Variants in UNC5C observed in about 807,000 individuals in gnomAD.
UNC5C encodes netrin receptor UNC5C.
UNC5C carries 47 observed loss-of-function variants against 99.8 expected under a neutral mutation model. The ratio of observed to expected loss-of-function variants is 0.47; its 90% CI spans 0.37 to 0.60. The LOEUF is 0.60. Ranked by LOEUF, UNC5C falls within the 20% of genes least tolerant of loss-of-function variation. UNC5C has a pLI of 0.00. For missense variants in UNC5C, 1,062 were observed against 1,165.9 expected, an observed-to-expected ratio of 0.91 and a Z score of 1.30; for synonymous variants, 487 against 452.2, an observed-to-expected ratio of 1.08 and a Z score of -0.98.
intron 2 of UNC5C, among the ~76,000 whole-genome samples, chr4:95,334,594 T>C (rs1391542648): frequency 2.0e-5 from 3 of 151,930 alleles, no homozygotes; most frequent in Non-Finnish European, 4.4e-5. Context: ...TTAAAAGAAC[T>C]CCAGGAGATT....
At position 95,185,080 on chromosome 4, in the gene UNC5C, G is replaced by A; in HGVS notation, c.2253C>T (p.Ser751=). Residue 751 remains serine, a synonymous_variant, in exon 13 of 16, where the codon TCC becomes TCT. Transcript: ENST00000453304. ...TAGCCAGCAATTTGCTCTTCCAGAG[G>A]GAATGGGCGATATCGTGAATTGACA... ...LRLSIHDIAH[S]LWKSKLLAKY... 1 of 1,613,554 alleles carries A rather than the reference G, an allele frequency of 6.2e-7. No homozygotes were observed. The highest frequency in any genetic ancestry group is 8.5e-7 in the Non-Finnish European group (1 of 1,179,892).
intron 1 of UNC5C, among the ~76,000 whole-genome samples, chr4:95,394,794 C>T (rs1036605646): frequency 8.0e-5 from 12 of 150,420 alleles, no homozygotes; most frequent in East Asian, 7.8e-4. Flanking sequence ...GCAGCATAAG[C>T]GGCACTAGGA....
At chr4:95,418,933 G>A (rs1746244394) in intron 1 of UNC5C, among the ~76,000 whole-genome samples, 1 of 152,054 alleles carries the variant, frequency 6.6e-6, no homozygotes, top group Admixed American at 6.6e-5. Flanking sequence ...ACTTCAGAAT[G>A]TTTTCCTGGT....
In UNC5C at chr4:95,168,478, C is replaced by CA. The variant is rs1735944606; in HGVS notation, c.*755dup. The CA allele has an allele frequency of 6.6e-6, 1 of 152,478 alleles. No homozygotes were observed. Among genetic ancestry groups the CA allele is most frequent in the Non-Finnish European group, 1.5e-5 (1 of 68,018 alleles). The allele number at this position is 152,478 out of a possible 1,614,324, so 9.4% of individuals were successfully genotyped here. ...CTTCATATTGCATATTACAAACAAA[C>CA]ACACATGTTGTGAAAAAAATGCTTG... On this transcript the variant is annotated 3_prime_UTR_variant, in exon 16 of 16. Coordinates refer to ENST00000453304, the MANE Select transcript of UNC5C (RefSeq NM_003728.4).
intron 1 of UNC5C, among the ~76,000 whole-genome samples, chr4:95,464,579 A>G (rs1307522714): frequency 6.6e-6 from 1 of 152,188 alleles, no homozygotes; most frequent in Admixed American, 6.5e-5. Context: ...TATCAACAAG[A>G]ATGCATAATT....
intron 12 of UNC5C, among the ~76,000 whole-genome samples, chr4:95,186,129 T>C (rs1736818933): frequency 6.6e-6 from 1 of 152,342 alleles, no homozygotes; most frequent in Middle Eastern, 3.4e-3. Context: ...CTCTGCTGTC[T>C]GAACCATCCC....
chr4:95,308,332 A>C (rs929723943), intron 2 of UNC5C, among the ~76,000 whole-genome samples: 1 of 152,244 alleles, frequency 6.6e-6, no homozygotes, highest in Non-Finnish European at 1.5e-5. Flanking sequence ...AAAGAAACAA[A>C]GAAAATAATC....
intron 2 of UNC5C, among the ~76,000 whole-genome samples, chr4:95,332,841 C>A (rs900483359): frequency 6.6e-6 from 1 of 151,920 alleles, no homozygotes; most frequent in African/African-American, 2.4e-5. Flanking sequence ...GGGCTAATAT[C>A]CAGAATCTCA....
chr4:95,468,745 A>G (rs1404074571), intron 1 of UNC5C, among the ~76,000 whole-genome samples: 1 of 152,162 alleles, frequency 6.6e-6, no homozygotes, highest in Non-Finnish European at 1.5e-5. Context: ...ATGACACCTG[A>G]TCTAGAGACT....
intron 1 of UNC5C, among the ~76,000 whole-genome samples, chr4:95,345,323 T>G (rs2621446): frequency 0.56 from 85,503 of 151,722 alleles, 26,453 homozygotes; most frequent in East Asian, 0.99. Flanking sequence ...AAATATATAT[T>G]CATCCAACAC....
rs28544409 is a variant in UNC5C, at chr4:95,187,552, A to G, written c.2137-2356T>C. On this transcript the variant is annotated intron_variant, in intron 12 of 15. Coordinates refer to ENST00000453304, the MANE Select transcript of UNC5C (RefSeq NM_003728.4). ...AAACCCAAACTGCCTATTGGCCATG[A>G]CCTTGAAGTCAGGAAATCTAACACG... 9.0e-3 allele frequency among the ~76,000 whole-genome samples: 1,365 copies of G among 152,238 alleles called. 24 individuals are homozygous for G. The highest frequency in any genetic ancestry group is 0.032 in the African/African-American group (1,309 of 41,496).
At chr4:95,259,722 TAAA>T (rs1049915853) in intron 4 of UNC5C, among the ~76,000 whole-genome samples, 1 of 151,992 alleles carries the variant, frequency 6.6e-6, no homozygotes, top group African/African-American at 2.4e-5. Context: ...TTATCAGTTT[TAAA>T]AAAATAAGTA....
chr4:95,540,280 G>A (rs1722885078), intron 1 of UNC5C, among the ~76,000 whole-genome samples: 2 of 152,042 alleles, frequency 1.3e-5, no homozygotes, highest in African/African-American at 2.4e-5. Flanking sequence ...CAAGTCAGAG[G>A]GCCTGTTGAA....
intron 1 of UNC5C, among the ~76,000 whole-genome samples, chr4:95,505,966 A>G (rs1721910305): frequency 6.6e-6 from 1 of 151,944 alleles, no homozygotes; most frequent in East Asian, 1.9e-4. Flanking sequence ...GGTTTTTTTT[A>G]TTGAAAGTGC....
intron 14 of UNC5C, among the ~76,000 whole-genome samples, chr4:95,182,158 AAGG>A (rs1427344971): frequency 1.3e-5 from 2 of 152,166 alleles, no homozygotes; most frequent in Non-Finnish European, 2.9e-5. Flanking sequence ...CTCTTTCCTT[AAGG>A]AGAAGTTTTA....
intron 1 of UNC5C, among the ~76,000 whole-genome samples, chr4:95,339,626 A>C (rs1008022649): frequency 3.3e-5 from 5 of 152,032 alleles, no homozygotes; most frequent in African/African-American, 9.7e-5. Flanking sequence ...GGGTGATAAT[A>C]AGAATTCAGT....
At chr4:95,432,847 G>T (rs1355562672) in intron 1 of UNC5C, among the ~76,000 whole-genome samples, 1 of 152,044 alleles carries the variant, frequency 6.6e-6, no homozygotes, top group Non-Finnish European at 1.5e-5. Flanking sequence ...ATAGTGGGTA[G>T]CAACTCATCA....
At chr4:95,370,601 A>T (rs1337760743) in intron 1 of UNC5C, among the ~76,000 whole-genome samples, 2 of 152,190 alleles carry the variant, frequency 1.3e-5, no homozygotes, top group Middle Eastern at 6.8e-3. Context: ...ATTTGTACTC[A>T]TTTTCAGCTA....
intron 1 of UNC5C, among the ~76,000 whole-genome samples, chr4:95,457,363 A>G (rs1003940078): frequency 6.6e-6 from 1 of 152,120 alleles, no homozygotes; most frequent in African/African-American, 2.4e-5. Context: ...TGAAAAAAAG[A>G]AAACAAACAT....
Sources: gnomAD v4.1 joint callset for allele counts (sites outside exome capture counted in the v4.1 genomes callset) on GRCh38, gnomAD v4.1.1 for gene constraint, MANE v1.5 for transcripts, NCBI Gene and HGNC (gene_info 2026-07-23, HGNC 2026-07-21) for gene names.